HTT: variants seen among roughly 807,000 people sequenced by gnomAD.
The protein encoded by HTT is huntingtin.
HTT carries 104 observed loss-of-function variants against 362.3 expected under a neutral mutation model. That is an observed-to-expected ratio of 0.29 (90% CI 0.24 to 0.34). The LOEUF is 0.34. Ranked by LOEUF, HTT falls within the 10% of genes least tolerant of loss-of-function variation. HTT has a pLI of 1.00. For missense variants in HTT, 3,301 were observed against 3,928.6 expected (o/e 0.84, Z 4.27); for synonymous variants, 1,577 against 1,548.7 (o/e 1.02, Z -0.43).
intron 6 of HTT, among the ~76,000 whole-genome samples, chr4:3,108,195 G>A (rs1221246265): frequency 1.3e-5 from 2 of 152,290 alleles, no homozygotes; most frequent in African/African-American, 2.4e-5. Flanking sequence ...AGTCACCCAC[G>A]GGAAGGGCTT....
rs754479930 is a variant in HTT, at chr4:3,140,260, C to CA, written c.2799-234dup. ...TGGGCCACAGAGTGACATTCTGTCT[C>CA]AAAAAAAAAAAAAAAAGAAAAAAAG... On this transcript the variant is annotated intron_variant, in intron 21 of 66. Coordinates refer to ENST00000355072, the MANE Select transcript of HTT (RefSeq NM_001388492.1). 4.1e-3 allele frequency among the ~76,000 whole-genome samples: 343 copies of CA among 82,834 alleles called. 1 individual carries two copies. The highest frequency in any genetic ancestry group is 0.014 in the Middle Eastern group (2 of 142). 54.3% of individuals were successfully genotyped at this position (82,834 alleles called of 152,430 possible). A position where few individuals can be genotyped will look rare whatever the true frequency, so the allele number is the denominator to read the frequency against.
At chr4:3,179,726 TGA>T (rs1307962564) in intron 35 of HTT, among the ~76,000 whole-genome samples, 9 of 150,510 alleles carry the variant, frequency 6.0e-5, no homozygotes, top group South Asian at 2.1e-4. Context: ...TACGTGTCAC[TGA>T]GGGGTCAGAG....
Position 3,115,717 on chromosome 4 carries a change from T to A in HTT, c.889+272T>A, listed in dbSNP as rs540722579. Among the ~76,000 whole-genome samples the A allele has an allele frequency of 1.1e-3, 170 of 152,312 alleles. 2 individuals carry two copies. Among genetic ancestry groups the A allele is most frequent in the African/African-American group, 3.5e-3 (147 of 41,576 alleles). Reference sequence around the variant, plus strand: ...GCCCTCTGTCTGTGTCGGCCATGACTATGGTGAGTCTTGTAGGCTTGAGAC... The same window carrying A: ...GCCCTCTGTCTGTGTCGGCCATGACAATGGTGAGTCTTGTAGGCTTGAGAC... On this transcript the variant is annotated intron_variant, in intron 7 of 66. Transcript: ENST00000355072.
intron 53 of HTT, among the ~76,000 whole-genome samples, chr4:3,221,691 A>T (rs1379336792): frequency 4.6e-5 from 7 of 152,176 alleles, no homozygotes; most frequent in Admixed American, 2.0e-4. Flanking sequence ...CTCAGACATC[A>T]TGATGGGGAC....
At position 3,134,419 on chromosome 4, in the gene HTT, TGCA is replaced by T; in HGVS notation, c.2521_2523del (p.Ser841del). The T allele has an allele frequency of 6.2e-7, 1 of 1,614,012 alleles. No homozygotes were observed. Among genetic ancestry groups the T allele is most frequent in the Non-Finnish European group, 8.5e-7 (1 of 1,179,918 alleles). On this transcript the variant is annotated inframe_deletion, in exon 19 of 67. Coordinates refer to ENST00000355072, the MANE Select transcript of HTT (RefSeq NM_001388492.1). ...GTTCCAGAACTGTGTCATGAGTCTC[TGCA>T]GCAGCAGCTACAGTGAGTTAGGACT...
In HTT at chr4:3,074,855, C is replaced by T; in HGVS notation, c.30C>T (p.Ala10=). The T allele has an allele frequency of 1.3e-6, 2 of 1,498,210 alleles. No individual in the cohort carries two copies. Among genetic ancestry groups the T allele is most frequent in the Non-Finnish European group, 1.8e-6 (2 of 1,124,604 alleles). 92.8% of individuals were successfully genotyped at this position (1,498,210 alleles called of 1,614,324 possible). Residue 10 remains alanine (A), a synonymous_variant, in exon 1 of 67, where the codon GCC becomes GCT. Coordinates refer to ENST00000355072, the MANE Select transcript of HTT (RefSeq NM_001388492.1). The part of the protein sequence containing the change: MATLEKLMK[A]FESLKSFQQQ... ...CGACCCTGGAAAAGCTGATGAAGGC[C>T]TTCGAGTCCCTCAAGTCCTTCCAGC...
chr4:3,153,467 T>C (rs928401239), intron 26 of HTT, among the ~76,000 whole-genome samples: 4 of 152,198 alleles, frequency 2.6e-5, no homozygotes, highest in African/African-American at 9.7e-5. Context: ...ATTGGGAGTC[T>C]CGATGTTCTA....
chr4:3,152,135 G>T (rs2110209741), intron 26 of HTT, among the ~76,000 whole-genome samples: 1 of 148,528 alleles, frequency 6.7e-6, no homozygotes, highest in East Asian at 2.0e-4. Context: ...GTCTCAGCCT[G>T]TCGCCCAGGC....
Position 3,098,110 on chromosome 4 carries a change from A to G in HTT, c.348-1164A>G, listed in dbSNP as rs151160192. The stretch of plus-strand genomic sequence containing the variant: ...TAGGAAATATAAAAGTGTAGCTCAC[A>G]TTCTGTTTCTGTTGACAGTACTGCT... On this transcript the variant is annotated intron_variant, in intron 2 of 66. Transcript: ENST00000355072. Among the ~76,000 whole-genome samples the G allele has an allele frequency of 4.9e-3, 742 of 152,358 alleles. 4 individuals carry two copies. The highest frequency in any genetic ancestry group is 8.0e-3 in the Non-Finnish European group (547 of 68,028).
rs142112248 is a variant in HTT at position 3,138,255 on chromosome 4, A to G, written c.2798+1929A>G. Reference sequence around the variant, plus strand: ...CATATACACATTTTTTTAAATTTCAATGGTTTTTGGGGTACAAGTGGTTTT... The same window carrying G: ...CATATACACATTTTTTTAAATTTCAGTGGTTTTTGGGGTACAAGTGGTTTT... On this transcript the variant is annotated intron_variant, in intron 21 of 66. Transcript: ENST00000355072. 2.1e-3 allele frequency among the ~76,000 whole-genome samples: 316 copies of G among 150,168 alleles called. 3 individuals are homozygous for G. The highest frequency in any genetic ancestry group is 4.7e-3 in the Admixed American group (70 of 15,010).
At chr4:3,226,762 CA>C (rs1409935593) in intron 57 of HTT, among the ~76,000 whole-genome samples, 10 of 152,266 alleles carry the variant, frequency 6.6e-5, no homozygotes, top group Admixed American at 5.9e-4. Flanking sequence ...CTGCAGCCTT[CA>C]CAGCAGAAAC....
At chr4:3,165,264 T>G (rs940526467) in intron 29 of HTT, among the ~76,000 whole-genome samples, 3 of 152,244 alleles carry the variant, frequency 2.0e-5, no homozygotes, top group African/African-American at 7.2e-5. Context: ...CTTTTCTGGC[T>G]TGTAGGATTT....
Position 3,134,551 on chromosome 4 carries a change from C to G in HTT, c.2633+11C>G. ...AGAGATTGACTTCAGGTAAGTGAGT[C>G]ACATCCATTAGATTTCATGAACTAA... is the stretch of plus-strand genomic sequence containing the variant. On this transcript the variant is annotated intron_variant, in intron 19 of 66. Coordinates refer to ENST00000355072, the MANE Select transcript of HTT (RefSeq NM_001388492.1). The G allele has an allele frequency of 6.2e-7, 1 of 1,608,778 alleles. No homozygotes were observed. The highest frequency in any genetic ancestry group is 8.5e-7 in the Non-Finnish European group (1 of 1,177,208).
At chr4:3,215,301 C>T in intron 51 of HTT, 90 bp downstream of exon 51, 1 of 900,836 alleles carries the variant, frequency 1.1e-6, no homozygotes, top group South Asian at 1.5e-5. Flanking sequence ...TGAGTGTGGA[C>T]TCCTGGAAGC....
At chr4:3,173,724 A>G (rs900994355) in intron 31 of HTT, among the ~76,000 whole-genome samples, 1 of 149,684 alleles carries the variant, frequency 6.7e-6, no homozygotes, top group African/African-American at 2.5e-5. Context: ...GCTGGAGTGC[A>G]GTGGTGCAAT....
Position 3,167,211 on chromosome 4 carries a change from A to G in HTT, c.3865-5109A>G, listed in dbSNP as rs571381424. Among the ~76,000 whole-genome samples the G allele has an allele frequency of 4.6e-5, 7 of 152,276 alleles. No homozygotes were observed. The South Asian group carries it at 1.4e-3, about 32-fold the overall frequency. On this transcript the variant is annotated intron_variant, in intron 29 of 66. Transcript: ENST00000355072. ...CTCAGCCTCCGGAGTAGCTGGGATT[A>G]CAGGCACCTGCCACCATGCCTGGCT... is the stretch of plus-strand genomic sequence containing the variant.
At chr4:3,239,007 C>G in intron 66 of HTT, 29 bp downstream of exon 66, 1 of 1,580,876 alleles carries the variant, frequency 6.3e-7, no homozygotes, top group Non-Finnish European at 8.6e-7. Context: ...TGGTGCTGGC[C>G]CCGTTTCCCT....
chr4:3,138,994 AC>A (rs1716213349), intron 21 of HTT, among the ~76,000 whole-genome samples: 1 of 152,262 alleles, frequency 6.6e-6, no homozygotes, highest in Non-Finnish European at 1.5e-5. Flanking sequence ...ATATAAAAAA[AC>A]GAAATAATCT....
At chr4:3,187,958 A>G (rs1316936023) in intron 39 of HTT, 72 bp downstream of exon 39, 1 of 837,754 alleles carries the variant, frequency 1.2e-6, no homozygotes, top group Non-Finnish European at 1.9e-6. Context: ...ACAGTCAGTA[A>G]GTCTGGAATA....
Sources: allele counts gnomAD v4.1 joint callset (sites outside exome capture counted in the v4.1 genomes callset), GRCh38; gene constraint gnomAD v4.1.1; transcripts MANE v1.5; gene names NCBI Gene and HGNC (gene_info 2026-07-23, HGNC 2026-07-21).